CACNA1S: variants seen among roughly 807,000 people sequenced by gnomAD.
CACNA1S encodes the protein voltage-dependent L-type calcium channel subunit alpha-1S.
Under a neutral mutation model 207.4 loss-of-function variants are expected in CACNA1S, and 126 were observed. The observed-to-expected ratio is 0.61, with a 90% confidence interval of 0.53 to 0.70. CACNA1S has a LOEUF of 0.70. Ranked by LOEUF, CACNA1S falls within the 30% of genes least tolerant of loss-of-function variation. The pLI is 0.00. For missense variants in CACNA1S, 2,349 were observed against 2,422.8 expected, an observed-to-expected ratio of 0.97 and a Z score of 0.64; for synonymous variants, 960 against 932.7, an observed-to-expected ratio of 1.03 and a Z score of -0.53.
At chr1:201,046,301 C>T (rs1292038574) in intron 38 of CACNA1S, among the ~76,000 whole-genome samples, 1 of 152,168 alleles carries the variant, frequency 6.6e-6, no homozygotes, top group East Asian at 1.9e-4. Context: ...CCCGCCTCAA[C>T]CTCCCAAATA....
chr1:201,045,177 G>A (rs1353222688), intron 38 of CACNA1S, among the ~76,000 whole-genome samples: 1 of 152,174 alleles, frequency 6.6e-6, no homozygotes, highest in Non-Finnish European at 1.5e-5. Flanking sequence ...CTTGTAATGA[G>A]AACACAGAAT....
At chr1:201,044,522 T>A (rs1357165431) in intron 38 of CACNA1S, 66 bp from the exon 39 acceptor site, 2 of 1,578,216 alleles carry the variant, frequency 1.3e-6, no homozygotes, top group African/African-American at 1.3e-5. Context: ...CCACTTTTTC[T>A]TTTTTTGAGA....
intron 10 of CACNA1S, 42 bp from the exon 11 acceptor site, chr1:201,078,146 C>A (rs1261806712): frequency 6.9e-7 from 1 of 1,458,402 alleles, no homozygotes; most frequent in Non-Finnish European, 9.6e-7. Context: ...CTCTCCTTCC[C>A]TTCTCCTGAC....
intron 3 of CACNA1S, among the ~76,000 whole-genome samples, chr1:201,092,336 T>A (rs1201350711): frequency 6.6e-6 from 1 of 151,994 alleles, no homozygotes; most frequent in East Asian, 1.9e-4. Flanking sequence ...GTGAAAAGAG[T>A]ATGGTGCTCC....
Position 201,093,288 on chromosome 1 carries a change from A to G in CACNA1S, c.398+594T>C, listed in dbSNP as rs1662305067. The stretch of plus-strand genomic sequence containing the variant: ...GACTGGTGTCCTTATAAGAAGAGGA[A>G]CTCTGGACACACAAAGAGACACCAA... On this transcript the variant is annotated intron_variant, in intron 3 of 43. Transcript: ENST00000362061. Among the ~76,000 whole-genome samples, 3 of 152,148 alleles carry G rather than the reference A, an allele frequency of 2.0e-5. No individual in the cohort carries two copies. In the South Asian group the frequency reaches 6.2e-4, roughly 32 times the overall value.
chr1:201,064,262 C>G (rs1048946436), intron 22 of CACNA1S, among the ~76,000 whole-genome samples: 5 of 152,152 alleles, frequency 3.3e-5, no homozygotes, highest in African/African-American at 4.8e-5. Context: ...GAGGAGGGGG[C>G]TGGGGAGCAG....
rs374608839 is a variant in CACNA1S, at chr1:201,053,552, G to T, written c.3702C>A (p.Phe1234Leu). 6.2e-7 allele frequency: 1 copy of T among 1,613,854 alleles called. No individual in the cohort carries two copies. Among genetic ancestry groups the T allele is most frequent in the Non-Finnish European group, 8.5e-7 (1 of 1,179,958 alleles). ...PDESARISSA[F>L]FRLFRVMRLI... ...GCCTCATGACACGGAACAGGCGGAA[G>T]AAGGCGCTGGAGATGCGGGCACTCT... Residue 1234 changes from phenylalanine to leucine, a missense_variant, in exon 30 of 44, where the codon TTC (phenylalanine) becomes TTA (leucine). Transcript: ENST00000362061. The surrounding 1 kb of genome is among the most constrained non-coding windows in gnomAD (Gnocchi z 5.1).
intron 2 of CACNA1S, among the ~76,000 whole-genome samples, chr1:201,098,570 C>T (rs1193923194): frequency 6.6e-6 from 1 of 152,186 alleles, no homozygotes; most frequent in African/African-American, 2.4e-5. Context: ...CTATAGAATG[C>T]GTCATCCTGC....
At chr1:201,048,931 C>T in intron 35 of CACNA1S, 72 bp downstream of exon 35, 1 of 1,234,112 alleles carries the variant, frequency 8.1e-7, no homozygotes, top group Non-Finnish European at 1.2e-6. Context: ...CCATCAGGTC[C>T]TCACCAGTTT....
intron 2 of CACNA1S, among the ~76,000 whole-genome samples, chr1:201,098,538 A>G (rs1435001073): frequency 6.6e-6 from 1 of 152,218 alleles, no homozygotes; most frequent in Non-Finnish European, 1.5e-5. Flanking sequence ...GTCTTTCCCT[A>G]CAGATCATCT....
chr1:201,074,955 C>T (rs1384031839), intron 13 of CACNA1S, among the ~76,000 whole-genome samples: 1 of 152,206 alleles, frequency 6.6e-6, no homozygotes, highest in Non-Finnish European at 1.5e-5. Context: ...GGTGCCCTTC[C>T]TCCCCACTCC....
At chr1:201,083,893 A>G (rs1356063543) in intron 9 of CACNA1S, among the ~76,000 whole-genome samples, 2 of 152,178 alleles carry the variant, frequency 1.3e-5, no homozygotes, top group Non-Finnish European at 2.9e-5. Flanking sequence ...AGCTGGGAGT[A>G]GCTATACCCT....
At chr1:201,092,752 A>G (rs1662286168) in intron 3 of CACNA1S, among the ~76,000 whole-genome samples, 1 of 152,228 alleles carries the variant, frequency 6.6e-6, no homozygotes. Flanking sequence ...GCTTCCAACC[A>G]GGGCAGTTTG....
At chr1:201,045,054 G>A (rs1239069851) in intron 38 of CACNA1S, among the ~76,000 whole-genome samples, 1 of 152,226 alleles carries the variant, frequency 6.6e-6, no homozygotes, top group African/African-American at 2.4e-5. Flanking sequence ...TTCTTACTCA[G>A]TACAGTCTTC....
rs532124812 is a variant in CACNA1S at position 201,110,885 on chromosome 1, G to A, written c.153-616C>T. 2.7e-4 allele frequency among the ~76,000 whole-genome samples: 41 copies of A among 152,290 alleles called. No individual in the cohort carries two copies. The South Asian group carries it at 6.0e-3, about 22-fold the overall frequency. ...GGTACCCCAGGCCCATGGCTTTCTC[G>A]ACTTTCTGGCCCATTAGGCAGCAAG... On this transcript the variant is annotated intron_variant, in intron 1 of 43. Transcript: ENST00000362061.
At position 201,059,209 on chromosome 1, in the gene CACNA1S, G is replaced by A; in HGVS notation, c.3505C>T (p.Leu1169Phe). The part of the protein sequence containing the change: ...IIFTLEMILK[L>F]MAFKARGYFG... ...CTCACCCTGGCCTTGAAGGCCATGA[G>A]CTTGAGGATCATCTCCAGGGTGAAG... Residue 1169 changes from leucine to phenylalanine, a missense_variant, in exon 27 of 44, where the codon CTC (leucine) becomes TTC (phenylalanine). Leu to Phe is a conservative substitution (Grantham distance 22). Transcript: ENST00000362061. The A allele has an allele frequency of 6.2e-7, 1 of 1,613,132 alleles. No homozygotes were observed. The highest frequency in any genetic ancestry group is 1.7e-5 in the Admixed American group (1 of 60,022).
At position 201,066,279 on chromosome 1, in the gene CACNA1S, G is replaced by T; in HGVS notation, c.2695C>A (p.Leu899Met). The change falls in exon 21 of 44, where the codon CTG (leucine) becomes ATG (methionine). Residue 899 changes from leucine to methionine, a missense_variant. Transcript: ENST00000362061. This position sits in a 1 kb window ranked among gnomAD's most constrained non-coding sequence, Gnocchi z 4.3. ...GCTCTGAGTGGTCGGAGCACCCTCA[G>T]CACCCTCAGGATCTTCACCACGGAG... ...AISVVKILRV[L>M]RVLRPLRAIN... 6.2e-7 allele frequency: 1 copy of T among 1,613,182 alleles called. No homozygotes were observed.
intron 3 of CACNA1S, among the ~76,000 whole-genome samples, chr1:201,092,494 A>G (rs1662273519): frequency 6.6e-6 from 1 of 152,112 alleles, no homozygotes; most frequent in African/African-American, 2.4e-5. Flanking sequence ...ACTCCACAGC[A>G]AGTTCTCCCT....
At chr1:201,088,772 T>C (rs1390101365) in intron 6 of CACNA1S, among the ~76,000 whole-genome samples, 1 of 151,994 alleles carries the variant, frequency 6.6e-6, no homozygotes, top group South Asian at 2.1e-4. Context: ...CTTACTGGAG[T>C]GTTGACTGTG....
Sources: allele counts gnomAD v4.1 joint callset (sites outside exome capture counted in the v4.1 genomes callset), GRCh38; gene constraint gnomAD v4.1.1; non-coding constraint Gnocchi (gnomAD v3.1); transcripts MANE v1.5; gene names NCBI Gene and HGNC (gene_info 2026-07-23, HGNC 2026-07-21).